Variants in PDIA4 observed in about 807,000 individuals in gnomAD.
PDIA4 encodes protein disulfide isomerase family A member 4.
PDIA4 carries 33 observed loss-of-function variants against 62.1 expected under a neutral mutation model. The observed-to-expected ratio is 0.53, with a 90% CI of 0.40 to 0.71. The LOEUF (loss-of-function observed/expected upper bound fraction) is 0.71. Among genes scored for constraint, PDIA4 ranks in the 30% least tolerant of loss-of-function variants. The probability of loss-of-function intolerance (pLI) is 0.00; values close to 1 mark genes in which losing one functional copy is unlikely to be tolerated. For missense variants in PDIA4, 804 were observed against 813.6 expected, an observed-to-expected ratio of 0.99 and a Z score of 0.14; for synonymous variants, 341 against 324.1, an observed-to-expected ratio of 1.05 and a Z score of -0.56.
chr7:149,018,011 C>T (rs1014652685), intron 3 of PDIA4, among the ~76,000 whole-genome samples: 15 of 152,274 alleles, frequency 9.9e-5, no homozygotes, highest in Middle Eastern at 3.4e-3. Flanking sequence ...GGGCGGATCA[C>T]GAGGTCAGGA....
At position 149,012,280 on chromosome 7, in the gene PDIA4, A is replaced by C. The variant is rs1398087448; in HGVS notation, c.695T>G (p.Leu232Arg). ...TTCTGCGGTGGCGTCGACCTTTGCC[A>C]GGGGAATTGGAGGAGAACGCTTGCT... ...ELSKRSPPIP[L>R]AKVDATAETD... Residue 232 changes from leucine to arginine, a missense_variant, in exon 5 of 10, where the codon CTG becomes CGG. By Grantham distance (102) the Leu-to-Arg change is moderately radical. Coordinates refer to ENST00000652332, the MANE Select transcript of PDIA4 (RefSeq NM_004911.5). The C allele has an allele frequency of 5.6e-6, 9 of 1,614,056 alleles. No individual in the cohort carries two copies. The highest frequency in any genetic ancestry group is 7.6e-6 in the Non-Finnish European group (9 of 1,179,994).
rs1327110222 is a variant in PDIA4, at chr7:149,008,252, CTT to C, written c.1036_1037del (p.Lys346ValfsTer15). 1.2e-6 allele frequency: 2 copies of C among 1,614,048 alleles called. No homozygotes were observed. Among genetic ancestry groups the C allele is most frequent in the Admixed American group, 3.3e-5 (2 of 60,004 alleles). ...ACTGCCCCTGGGAGACTTTCAAGAA[CTT>C]TGCTATTTCTGTGCTGAAAGTGTGG... ...FHHTFSTEIAKFLKVSQGQLV... is the reference protein window; with the variant it reads ...FHHTFSTEIAXFLKVSQGQLV... On this transcript the variant is annotated frameshift_variant, in exon 7 of 10. Transcript: ENST00000652332. LOFTEE classifies it high-confidence loss of function.
chr7:149,004,141 C>A lies in PDIA4; in HGVS notation c.1591G>T (p.Val531Leu). The change falls in exon 10 of 10, where the codon GTG becomes TTG. Residue 531 changes from valine to leucine, a missense_variant. Transcript: ENST00000652332. Reference protein sequence around the residue: ...KNNKGPVKVVVGKTFDSIVMD... With the variant: ...KNNKGPVKVVLGKTFDSIVMD... ...ACAATGGAGTCAAAGGTCTTTCCCA[C>A]CACGACCTTGACGGGTCCCTTGTTG... 6.2e-7 allele frequency: 1 copy of A among 1,614,156 alleles called. No homozygotes were observed. Among genetic ancestry groups the A allele is most frequent in the Non-Finnish European group, 8.5e-7 (1 of 1,180,002 alleles).
At chr7:149,014,157 T>C (rs1314584064) in intron 4 of PDIA4, among the ~76,000 whole-genome samples, 1 of 152,184 alleles carries the variant, frequency 6.6e-6, no homozygotes, top group Non-Finnish European at 1.5e-5. Context: ...TATCCAGGCA[T>C]TGCCTGGAAC....
At chr7:149,020,257 G>A (rs553566048) in intron 2 of PDIA4, among the ~76,000 whole-genome samples, 6 of 152,252 alleles carry the variant, frequency 3.9e-5, no homozygotes, top group East Asian at 1.9e-4. Context: ...CACCATGCCC[G>A]GCCTATTTCC....
rs145165798 is a variant in PDIA4 at position 149,015,021 on chromosome 7, T to C, written c.497A>G (p.Glu166Gly). 1.7e-4 allele frequency: 269 copies of C among 1,614,184 alleles called. No individual in the cohort carries two copies. In the African/African-American group the frequency reaches 3.2e-3, roughly 19 times the overall value. ...TQEEIVAKVR[E>G]VSQPDWTPPP... is the part of the protein sequence containing the mutation. ...AGGCGTCCAGTCGGGCTGGGAGACT[T>C]CTCTGACCTTGGCAACAATTTCTGA... Residue 166 changes from glutamate to glycine, a missense_variant, in exon 4 of 10, where the codon GAA becomes GGA. Glu to Gly is a moderately conservative substitution (Grantham distance 98). Coordinates refer to ENST00000652332, the MANE Select transcript of PDIA4 (RefSeq NM_004911.5).
intron 3 of PDIA4, among the ~76,000 whole-genome samples, chr7:149,017,143 C>A (rs1824164570): frequency 6.6e-6 from 1 of 152,030 alleles, no homozygotes. Context: ...TCTATGAGGA[C>A]CGGAAGCCTA....
At chr7:149,027,802 T>A (rs747961212) in intron 1 of PDIA4, 39 of 468,022 alleles carry the variant, frequency 8.3e-5, no homozygotes, top group South Asian at 5.9e-4. Flanking sequence ...AACCAAGCCA[T>A]CCCTTTCTCC....
In PDIA4 at chr7:149,003,778, C is replaced by G. The variant is rs199900861; in HGVS notation, c.*16G>C. ...AGGGCGTCTGCCTCCTCCCACCTTC[C>G]GCAGACCTCAGGCCTTCAAAGCTCT... is the stretch of plus-strand genomic sequence containing the variant. On this transcript the variant is annotated 3_prime_UTR_variant, in exon 10 of 10. Transcript: ENST00000652332. The G allele has an allele frequency of 6.7e-7, 1 of 1,502,940 alleles. No homozygotes were observed. Among genetic ancestry groups the G allele is most frequent in the Non-Finnish European group, 8.9e-7 (1 of 1,126,332 alleles). The allele number at this position is 1,502,940 out of a possible 1,614,324, so 93.1% of individuals were successfully genotyped here.
intron 7 of PDIA4, 147 bp from the exon 8 acceptor site, chr7:149,006,200 A>T (rs1167199717): frequency 4.5e-6 from 3 of 668,866 alleles, no homozygotes; most frequent in Non-Finnish European, 7.0e-6. Flanking sequence ...ACCCCACTCA[A>T]GCACAGCCCA....
chr7:149,008,695 A>T (rs1222436690), intron 6 of PDIA4, among the ~76,000 whole-genome samples: 1 of 151,594 alleles, frequency 6.6e-6, no homozygotes, highest in African/African-American at 2.4e-5. Context: ...TGGGCGACAG[A>T]GTGAGACTGT....
At position 149,028,313 on chromosome 7, in the gene PDIA4, C is replaced by A. The variant is rs768813656; in HGVS notation, c.88+8G>T. On this transcript the variant is annotated splice_region_variant and intron_variant, in intron 1 of 9. Coordinates refer to ENST00000652332, the MANE Select transcript of PDIA4 (RefSeq NM_004911.5). ...CACAGCCCGACCCGCGGCGCGCTTG[C>A]CGCTCACCCTCGTCCGGGCCCTCGG... 1 of 1,517,596 alleles carries A rather than the reference C, an allele frequency of 6.6e-7. No homozygotes were observed. Among genetic ancestry groups the A allele is most frequent in the South Asian group, 1.2e-5 (1 of 82,210 alleles). 94.0% of individuals were successfully genotyped at this position (1,517,596 alleles called of 1,614,324 possible).
At chr7:149,018,057 G>A (rs575641817) in intron 3 of PDIA4, among the ~76,000 whole-genome samples, 7 of 152,062 alleles carry the variant, frequency 4.6e-5, no homozygotes, top group African/African-American at 9.6e-5. Context: ...GTGAAACCCC[G>A]TCTCTACTAA....
At chr7:149,026,354 GA>G (rs1177016004) in intron 1 of PDIA4, among the ~76,000 whole-genome samples, 2 of 151,504 alleles carry the variant, frequency 1.3e-5, no homozygotes, top group African/African-American at 2.4e-5. Flanking sequence ...ACCAAAAAAA[GA>G]AAAAAAATAG....
chr7:149,004,087 C>T lies in PDIA4; in HGVS notation c.1645G>A (p.Glu549Lys), dbSNP rs142233058. The T allele has an allele frequency of 1.3e-3, 2,129 of 1,614,054 alleles. 12 individuals carry two copies. Among genetic ancestry groups the T allele is most frequent in the Middle Eastern group, 1.5e-3 (9 of 6,062 alleles). ...TGCCCGCACCATGGCGCGTAGAACT[C>T]GATGAGGACGTCCTTCTTGGGGTCC... The part of the protein sequence containing the change: ...VMDPKKDVLI[E>K]FYAPWCGHCK... The change falls in exon 10 of 10, where the codon GAG becomes AAG. Residue 549 changes from glutamate (E) to lysine (K), a missense_variant. Transcript: ENST00000652332.
intron 1 of PDIA4, chr7:149,027,847 A>G (rs1824610836): frequency 2.1e-6 from 1 of 472,838 alleles, no homozygotes; most frequent in Non-Finnish European, 4.4e-6. Flanking sequence ...AAATCTACAG[A>G]CCACATTTTG....
chr7:149,016,801 G>A lies in PDIA4; in HGVS notation c.476-1759C>T, dbSNP rs114240702. Among the ~76,000 whole-genome samples, 482 of 152,250 alleles carry A rather than the reference G, an allele frequency of 3.2e-3. 2 individuals are homozygous for A. Among genetic ancestry groups the A allele is most frequent in the African/African-American group, 0.011 (441 of 41,522 alleles). ...GCTGGGATTACAGGCGTGAACCACC[G>A]TGCCCAGCCTACTAGTACCTTCTTA... is the stretch of plus-strand genomic sequence containing the variant. On this transcript the variant is annotated intron_variant, in intron 3 of 9. Coordinates refer to ENST00000652332, the MANE Select transcript of PDIA4 (RefSeq NM_004911.5).
rs1824328191 is a variant in PDIA4, at chr7:149,021,030, T to A, written c.206A>T (p.Asp69Val). 6.2e-7 allele frequency: 1 copy of A among 1,614,194 alleles called. No individual in the cohort carries two copies. Among genetic ancestry groups the A allele is most frequent in the Admixed American group, 1.7e-5 (1 of 60,020 alleles). Residue 69 changes from aspartate to valine, a missense_variant, in exon 2 of 10, where the codon GAT (aspartate) becomes GTT (valine). Transcript: ENST00000652332. ...AGCCACAAAATTATCAAAGTTTGCA[T>A]CATTTAGGACCAAGACTCCATTTTC... ...KEENGVLVLN[D>V]ANFDNFVADK...
intron 6 of PDIA4, among the ~76,000 whole-genome samples, chr7:149,010,576 G>A (rs1251458389): frequency 6.6e-6 from 1 of 152,134 alleles, no homozygotes; most frequent in Non-Finnish European, 1.5e-5. Context: ...TAGTCAGTTG[G>A]CTTCAGGCAG....
Sources: gnomAD v4.1 joint callset for allele counts (sites outside exome capture counted in the v4.1 genomes callset) on GRCh38, gnomAD v4.1.1 for gene constraint, MANE v1.5 for transcripts, NCBI Gene and HGNC (gene_info 2026-07-23, HGNC 2026-07-21) for gene names.